Variants in CYP4V2 observed in about 807,000 individuals in gnomAD.
The protein encoded by CYP4V2 is cytochrome P450 family 4 subfamily V member 2.
A neutral mutation model predicts 60.8 loss-of-function variants in CYP4V2; 55 were observed. The ratio of observed to expected loss-of-function variants is 0.90; its 90% CI spans 0.73 to 1.13. CYP4V2 has a LOEUF of 1.13. Among genes scored for constraint, CYP4V2 ranks in the 50% most tolerant of loss-of-function variants. The pLI is 0.00. For missense variants in CYP4V2, 675 were observed against 662.9 expected, an observed-to-expected ratio of 1.02 and a Z score of -0.20; for synonymous variants, 239 against 236.8, an observed-to-expected ratio of 1.01 and a Z score of -0.08.
chr4:186,201,087 A>G lies in CYP4V2; in HGVS notation c.802-70A>G, dbSNP rs1456995978. 4.1e-6 allele frequency: 6 copies of G among 1,451,232 alleles called. No individual in the cohort carries two copies. The Admixed American group carries it at 7.3e-5, about 18-fold the overall frequency. 89.9% of individuals were successfully genotyped at this position (1,451,232 alleles called of 1,614,324 possible). On this transcript the variant is annotated intron_variant, in intron 6 of 10. Transcript: ENST00000378802. ...AATGAAAGAAACTAGCATATTTTAT[A>G]AGAAAATGTGTTAACTAGGGTGCAT... is the stretch of plus-strand genomic sequence containing the variant.
chr4:186,210,330 A>T, intron 10 of CYP4V2, 139 bp from the exon 11 acceptor site: 1 of 994,462 alleles, frequency 1.0e-6, no homozygotes, highest in Non-Finnish European at 1.5e-6. Flanking sequence ...CATCTTTAAC[A>T]GGTGTTCCAA....
intron 7 of CYP4V2, chr4:186,203,720 C>G (rs1011326800): frequency 2.6e-5 from 4 of 152,228 alleles, no homozygotes; most frequent in Non-Finnish European, 5.9e-5. Context: ...GCACAACGGG[C>G]CGGAGCTCAT....
rs968269062 is a variant in CYP4V2, at chr4:186,211,285, A to C, written c.*644A>C. The C allele has an allele frequency of 6.6e-6, 1 of 152,250 alleles. No individual in the cohort carries two copies. The highest frequency in any genetic ancestry group is 2.4e-5 in the African/African-American group (1 of 41,428). The allele number at this position is 152,250 out of a possible 1,614,324, so 9.4% of individuals were successfully genotyped here. A position where few individuals can be genotyped will look rare whatever the true frequency, so the allele number is the denominator to read the frequency against. Reference sequence around the variant, plus strand: ...CAATTCCACTTCAATTGATAGACCCAAAAAATATAATTTAATCAAAGTTCT... The same window carrying C: ...CAATTCCACTTCAATTGATAGACCCCAAAAATATAATTTAATCAAAGTTCT... On this transcript the variant is annotated 3_prime_UTR_variant, in exon 11 of 11. Transcript: ENST00000378802.
Position 186,208,937 on chromosome 4 carries a change from C to T in CYP4V2, c.1163C>T (p.Thr388Ile), listed in dbSNP as rs764267035. The change falls in exon 9 of 11, where the codon ACC becomes ATC. Residue 388 changes from threonine to isoleucine, a missense_variant. Coordinates refer to ENST00000378802, the MANE Select transcript of CYP4V2 (RefSeq NM_207352.4). ...LRYLECVIKETLRLFPSVPLF... is the reference protein window; with the variant it reads ...LRYLECVIKEILRLFPSVPLF... ...TATCTGGAATGTGTTATTAAGGAGA[C>T]CCTTCGCCTTTTTCCTTCTGTTCCT... The T allele has an allele frequency of 1.9e-6, 3 of 1,614,176 alleles. No homozygotes were observed. The highest frequency in any genetic ancestry group is 2.5e-6 in the Non-Finnish European group (3 of 1,180,040).
In CYP4V2 at chr4:186,191,891, C is replaced by A. The variant is rs1312890284; in HGVS notation, c.68C>A (p.Ser23Tyr). Residue 23 changes from serine to tyrosine, a missense_variant, in exon 1 of 11, where the codon TCC becomes TAC. Ser to Tyr is a moderately radical substitution (Grantham distance 144, BLOSUM62 -2). Transcript: ENST00000378802. ...CTGTGGGGCGCGGCGAGTGCCCTTTCCCTGGCCGGCGCCAGTCTGGTCCTG... is the reference window on the plus strand; with the variant it reads ...CTGTGGGGCGCGGCGAGTGCCCTTTACCTGGCCGGCGCCAGTCTGGTCCTG... ...LLLWGAASAL[S>Y]LAGASLVLSL... The A allele has an allele frequency of 4.4e-6, 7 of 1,590,834 alleles. No homozygotes were observed. The Admixed American group carries it at 5.2e-5, about 12-fold the overall frequency.
chr4:186,210,259 T>G (rs1239927158), intron 10 of CYP4V2, among the ~76,000 whole-genome samples: 1 of 152,140 alleles, frequency 6.6e-6, no homozygotes, highest in Non-Finnish European at 1.5e-5. Flanking sequence ...GTACAAATTC[T>G]CTGATCCTCC....
rs531010671 is a variant in CYP4V2, at chr4:186,213,116, T to A, written c.*2475T>A. 1.3e-5 allele frequency: 2 copies of A among 152,388 alleles called. No homozygotes were observed. Among genetic ancestry groups the A allele is most frequent in the East Asian group, 3.9e-4 (2 of 5,192 alleles). The allele number at this position is 152,388 out of a possible 1,614,324, so 9.4% of individuals were successfully genotyped here. ...AAGTAAAACATTGTTTAATGTTACC[T>A]TTTGGCTTGAGAATGTCTTTCAGCT... On this transcript the variant is annotated 3_prime_UTR_variant, in exon 11 of 11. Coordinates refer to ENST00000378802, the MANE Select transcript of CYP4V2 (RefSeq NM_207352.4).
rs765442992 is a variant in CYP4V2, at chr4:186,201,311, T to C, written c.956T>C (p.Ile319Thr). ...GGGAACAGGCTAAGTCATGAAGATATTCGAGAAGAAGTTGACACCTTCATG... is the reference window on the plus strand; with the variant it reads ...GGGAACAGGCTAAGTCATGAAGATACTCGAGAAGAAGTTGACACCTTCATG... ...DEGNRLSHEDIREEVDTFMFE... is the reference protein window; with the variant it reads ...DEGNRLSHEDTREEVDTFMFE... The change falls in exon 7 of 11, where the codon ATT becomes ACT. Residue 319 changes from isoleucine to threonine, a missense_variant. Ile to Thr is a moderately conservative substitution (Grantham distance 89, BLOSUM62 -1). Coordinates refer to ENST00000378802, the MANE Select transcript of CYP4V2 (RefSeq NM_207352.4). 2.5e-6 allele frequency: 4 copies of C among 1,614,084 alleles called. No homozygotes were observed. Among genetic ancestry groups the C allele is most frequent in the South Asian group, 1.1e-5 (1 of 91,090 alleles).
rs990714542 is a variant in CYP4V2 at position 186,212,387 on chromosome 4, A to T, written c.*1746A>T. 1 of 152,210 alleles carries T rather than the reference A, an allele frequency of 6.6e-6. No homozygotes were observed. The highest frequency in any genetic ancestry group is 1.5e-5 in the Non-Finnish European group (1 of 68,042). The allele number at this position is 152,210 out of a possible 1,614,324, so 9.4% of individuals were successfully genotyped here. ...ATCTTTAGTTAATTCAACCTTATAG[A>T]TCATACTTATGAAGGTGATAACTGA... On this transcript the variant is annotated 3_prime_UTR_variant, in exon 11 of 11. Transcript: ENST00000378802.
rs753859306 is a variant in CYP4V2 at position 186,209,086 on chromosome 4, T to C, written c.1226-7T>C. On this transcript the variant is annotated splice_polypyrimidine_tract_variant and splice_region_variant and intron_variant, in intron 9 of 10. Transcript: ENST00000378802. ...GGTCTCATAATGTATTGACTACTTC[T>C]TGACAGCAGGTTACAGAGTTCTAAA... 5.6e-6 allele frequency: 9 copies of C among 1,614,076 alleles called. No homozygotes were observed. The highest frequency in any genetic ancestry group is 7.6e-6 in the Non-Finnish European group (9 of 1,180,038).
At chr4:186,204,793 C>G (rs1029840960) in intron 7 of CYP4V2, 6 of 319,266 alleles carry the variant, frequency 1.9e-5, no homozygotes, top group Non-Finnish European at 3.7e-5. Flanking sequence ...ACACCTCTAC[C>G]CCCTGGTGCC....
At chr4:186,206,199 T>A (rs1736496500) in intron 8 of CYP4V2, among the ~76,000 whole-genome samples, 1 of 152,196 alleles carries the variant, frequency 6.6e-6, no homozygotes, top group Non-Finnish European at 1.5e-5. Context: ...TGCACGCACG[T>A]GCATGCATGT....
At position 186,201,033 on chromosome 4, in the gene CYP4V2, C is replaced by T. The variant is rs1178851459; in HGVS notation, c.802-124C>T. The T allele has an allele frequency of 1.2e-5, 12 of 1,001,374 alleles. No homozygotes were observed. In the East Asian group the frequency reaches 2.1e-4, roughly 17 times the overall value. The allele number at this position is 1,001,374 out of a possible 1,614,324, so 62.0% of individuals were successfully genotyped here. ...GTATTTTCACAAGAGCCTATGTTGT[C>T]GAAATGTTGAAATAGGCTTAGAAAA... On this transcript the variant is annotated intron_variant, in intron 6 of 10. Transcript: ENST00000378802.
Position 186,211,130 on chromosome 4 carries a change from C to CCATTATATCGTGA in CYP4V2, c.*489_*490insCATTATATCGTGA, listed in dbSNP as rs1736706532. On this transcript the variant is annotated 3_prime_UTR_variant, in exon 11 of 11. Coordinates refer to ENST00000378802, the MANE Select transcript of CYP4V2 (RefSeq NM_207352.4). ...CTGGGATTATAGTCGTGAGCCACCA[C>CCATTATATCGTGA]GCCTGGCCAGAGTTTTTTATTTTTA... 6.3e-6 allele frequency: 1 copy of CCATTATATCGTGA among 157,992 alleles called. No individual in the cohort carries two copies. Among genetic ancestry groups the CCATTATATCGTGA allele is most frequent in the African/African-American group, 2.4e-5 (1 of 41,374 alleles). 9.8% of individuals were successfully genotyped at this position (157,992 alleles called of 1,614,324 possible). A position where few individuals can be genotyped will look rare whatever the true frequency, so the allele number is the denominator to read the frequency against.
chr4:186,201,428 A>G, intron 7 of CYP4V2, 86 bp downstream of exon 7: 1 of 1,452,558 alleles, frequency 6.9e-7, no homozygotes, highest in Non-Finnish European at 9.5e-7. Flanking sequence ...AAACAATCAA[A>G]TTTTAAAGTA....
Position 186,201,438 on chromosome 4 carries a change from A to G in CYP4V2, c.987+96A>G, listed in dbSNP as rs183572214. 5.0e-4 allele frequency: 675 copies of G among 1,342,576 alleles called. 3 individuals are homozygous for G. In the African/African-American group the frequency reaches 8.3e-3, roughly 17 times the overall value. 83.2% of individuals were successfully genotyped at this position (1,342,576 alleles called of 1,614,324 possible). On this transcript the variant is annotated intron_variant, in intron 7 of 10. Transcript: ENST00000378802. ...TTTTAAAACAATCAAATTTTAAAGT[A>G]GTTTAACTAAAGAAGATTCATTATA...
In CYP4V2 at chr4:186,196,078, C is replaced by T. The variant is rs1217233740; in HGVS notation, c.403C>T (p.Leu135Phe). ...KFLEPWLGLG[L>F]LTSTGNKWRS... ...TTTAGAACCATGGCTTGGCCTAGGA[C>T]TTCTTACAAGGTATGCCAGTGTACC... Residue 135 changes from leucine to phenylalanine, a missense_variant, in exon 3 of 11, where the codon CTT (leucine) becomes TTT (phenylalanine). By Grantham distance (22) the Leu-to-Phe change is conservative. Transcript: ENST00000378802. The T allele has an allele frequency of 6.2e-7, 1 of 1,613,616 alleles. No homozygotes were observed. Among genetic ancestry groups the T allele is most frequent in the East Asian group, 2.2e-5 (1 of 44,874 alleles).
chr4:186,204,845 C>T (rs1736448046), intron 7 of CYP4V2: 1 of 363,978 alleles, frequency 2.7e-6, no homozygotes, highest in African/African-American at 2.1e-5. Context: ...TGGGGGAAGG[C>T]AGAGAAGTAC....
At position 186,209,234 on chromosome 4, in the gene CYP4V2, C is replaced by G. The variant is rs144501601; in HGVS notation, c.1367C>G (p.Ala456Gly). 5.0e-5 allele frequency: 81 copies of G among 1,613,840 alleles called. No individual in the cohort carries two copies. Among genetic ancestry groups the G allele is most frequent in the Non-Finnish European group, 6.9e-5 (81 of 1,180,008 alleles). Residue 456 changes from alanine to glycine, a missense_variant, in exon 10 of 11, where the codon GCC (alanine) becomes GGC (glycine). Ala to Gly is a moderately conservative substitution (Grantham distance 60, BLOSUM62 0). Transcript: ENST00000378802. ...PENAQGRHPY[A>G]YVPFSAGPRN... ...AATGCACAAGGGCGCCATCCATATGCCTACGTGCCCTTCTCTGCTGGCCCC... is the reference window on the plus strand; with the variant it reads ...AATGCACAAGGGCGCCATCCATATGGCTACGTGCCCTTCTCTGCTGGCCCC...
Sources: allele counts gnomAD v4.1 joint callset (sites outside exome capture counted in the v4.1 genomes callset), GRCh38; gene constraint gnomAD v4.1.1; transcripts MANE v1.5; gene names NCBI Gene and HGNC (gene_info 2026-07-23, HGNC 2026-07-21).